The following NAALADL2 variants were observed in gnomAD, a reference collection of about 807,000 sequenced individuals.
NAALADL2 encodes the protein inactive N-acetylated-alpha-linked acidic dipeptidase-like protein 2.
In NAALADL2, 76 loss-of-function variants were observed where a neutral mutation model predicts 87.2. The observed-to-expected ratio is 0.87, with a 90% CI of 0.72 to 1.05. The LOEUF is 1.05. Among genes scored for constraint, NAALADL2 ranks in the 50% least tolerant of loss-of-function variants. The pLI, the probability that NAALADL2 is intolerant of heterozygous loss-of-function variation, is 0.00. For synonymous variants in NAALADL2, 354 were observed against 331.0 expected (o/e 1.07, Z -0.75); for missense variants, 1,089 against 945.8 (o/e 1.15, Z -1.99).
At chr3:175,386,351 G>A (rs947153848) in intron 5 of NAALADL2, among the ~76,000 whole-genome samples, 13 of 151,750 alleles carry the variant, frequency 8.6e-5, no homozygotes, top group Non-Finnish European at 1.9e-4. Context: ...CATCCTAATG[G>A]TATTATTTAA....
intron 1 of NAALADL2, among the ~76,000 whole-genome samples, chr3:174,506,846 T>A (rs930934891): frequency 6.6e-6 from 1 of 151,952 alleles, no homozygotes; most frequent in South Asian, 2.1e-4. Context: ...TTTGTGAATA[T>A]CTTGGTTATA....
At chr3:175,390,063 A>G (rs1183088756) in intron 5 of NAALADL2, among the ~76,000 whole-genome samples, 1 of 152,152 alleles carries the variant, frequency 6.6e-6, no homozygotes, top group Non-Finnish European at 1.5e-5. Context: ...GTGCCAATAT[A>G]TACACATGGA....
Position 175,633,887 on chromosome 3 carries a change from G to A in NAALADL2, c.1896+6501G>A, listed in dbSNP as rs367733772. ...TGTAATATGTAAACAGGATCTTTGA[G>A]TAAAATTATTTGGGTATTACAACAT... On this transcript the variant is annotated intron_variant, in intron 11 of 13. Transcript: ENST00000454872. Among the ~76,000 whole-genome samples, 6 of 151,740 alleles carry A rather than the reference G, an allele frequency of 4.0e-5. No homozygotes were observed. The East Asian group carries it at 9.8e-4, about 25-fold the overall frequency.
At chr3:175,535,131 T>A (rs1734639560) in intron 9 of NAALADL2, among the ~76,000 whole-genome samples, 1 of 152,102 alleles carries the variant, frequency 6.6e-6, no homozygotes, top group Admixed American at 6.5e-5. Context: ...TGCTATGTAA[T>A]ATAGAAATAA....
chr3:174,885,751 C>A (rs187418783), intron 1 of NAALADL2, among the ~76,000 whole-genome samples: 1 of 151,228 alleles, frequency 6.6e-6, no homozygotes, highest in Non-Finnish European at 1.5e-5. Context: ...TCTAGAGGGA[C>A]AAAACTAATG....
chr3:174,670,292 A>C (rs1298878037), intron 2 of NAALADL2, among the ~76,000 whole-genome samples: 1 of 152,018 alleles, frequency 6.6e-6, no homozygotes, highest in African/African-American at 2.4e-5. Flanking sequence ...AAGTGGCAGG[A>C]GTGGACATCC....
intron 1 of NAALADL2, among the ~76,000 whole-genome samples, chr3:175,077,855 T>G (rs1716914297): frequency 6.6e-6 from 1 of 152,104 alleles, no homozygotes; most frequent in Admixed American, 6.5e-5. Context: ...ACCAATGGAC[T>G]ACAGGAAGTG....
intron 1 of NAALADL2, among the ~76,000 whole-genome samples, chr3:174,469,307 T>C (rs1046409135): frequency 2.7e-5 from 4 of 149,968 alleles, no homozygotes; most frequent in Admixed American, 2.0e-4. Context: ...GCCCAGGCTG[T>C]AGTGCAGTGG....
intron 13 of NAALADL2, among the ~76,000 whole-genome samples, chr3:175,755,863 G>A (rs1747198749): frequency 6.6e-6 from 1 of 152,122 alleles, no homozygotes. Flanking sequence ...GGGAAAGTGG[G>A]ATTTAGATCG....
At chr3:174,448,588 C>T (rs1411384064) in intron 1 of NAALADL2, among the ~76,000 whole-genome samples, 1 of 152,122 alleles carries the variant, frequency 6.6e-6, no homozygotes, top group Non-Finnish European at 1.5e-5. Context: ...GATTCTATTG[C>T]TCACTGCACA....
At chr3:175,740,709 T>A (rs62286107) in intron 12 of NAALADL2, among the ~76,000 whole-genome samples, 1 of 152,196 alleles carries the variant, frequency 6.6e-6, no homozygotes, top group Non-Finnish European at 1.5e-5. Flanking sequence ...TTTTTTATCC[T>A]GAATATAAAC....
chr3:174,884,592 C>A (rs1000661464), intron 1 of NAALADL2, among the ~76,000 whole-genome samples: 1 of 152,098 alleles, frequency 6.6e-6, no homozygotes, highest in Non-Finnish European at 1.5e-5. Context: ...GCATTGTGTG[C>A]AGGATAGGCA....
chr3:175,344,746 C>A (rs922004804), intron 5 of NAALADL2, among the ~76,000 whole-genome samples: 1 of 151,926 alleles, frequency 6.6e-6, no homozygotes, highest in Non-Finnish European at 1.5e-5. Context: ...ATTTGTAAAA[C>A]GTTTCAAGAT....
At chr3:175,672,343 T>C (rs1734115940) in intron 11 of NAALADL2, among the ~76,000 whole-genome samples, 1 of 152,130 alleles carries the variant, frequency 6.6e-6, no homozygotes, top group Non-Finnish European at 1.5e-5. Context: ...TTTGCTATTT[T>C]TATGCTGAGA....
At chr3:175,354,240 A>G (rs1010779350) in intron 5 of NAALADL2, among the ~76,000 whole-genome samples, 5 of 152,222 alleles carry the variant, frequency 3.3e-5, no homozygotes, top group African/African-American at 1.2e-4. Context: ...AGAAAGAATT[A>G]GTATGGTCCA....
chr3:175,614,284 C>T (rs1309468378), intron 10 of NAALADL2, among the ~76,000 whole-genome samples: 10 of 152,310 alleles, frequency 6.6e-5, no homozygotes, highest in East Asian at 5.8e-4. Context: ...AACTCTTGAA[C>T]TCATGATCTG....
At chr3:174,974,325 A>G (rs77838362) in intron 1 of NAALADL2, among the ~76,000 whole-genome samples, 9 of 152,110 alleles carry the variant, frequency 5.9e-5, no homozygotes, top group Non-Finnish European at 2.9e-5. Context: ...GACTTATACA[A>G]TTTTCTTTTA....
At chr3:175,523,361 A>G (rs1732932487) in intron 9 of NAALADL2, among the ~76,000 whole-genome samples, 1 of 152,142 alleles carries the variant, frequency 6.6e-6, no homozygotes, top group South Asian at 2.1e-4. Flanking sequence ...GTCATTACTA[A>G]TGTCACAGTT....
At chr3:175,462,067 A>C (rs1490526950) in intron 6 of NAALADL2, among the ~76,000 whole-genome samples, 1 of 152,158 alleles carries the variant, frequency 6.6e-6, no homozygotes, top group Non-Finnish European at 1.5e-5. Context: ...TTGAATATAC[A>C]ACACAAAAAG....
Sources: allele counts gnomAD v4.1 joint callset (sites outside exome capture counted in the v4.1 genomes callset), GRCh38; gene constraint gnomAD v4.1.1; transcripts MANE v1.5; gene names NCBI Gene and HGNC (gene_info 2026-07-23, HGNC 2026-07-21).